LHFPL2: variants seen among roughly 807,000 people sequenced by gnomAD.
LHFPL2 encodes LHFPL tetraspan subfamily member 2.
LHFPL2 carries 7 observed loss-of-function variants against 17.5 expected under a neutral mutation model. That is an observed-to-expected ratio of 0.40 (90% CI 0.23 to 0.75). The LOEUF is 0.75. Ranked by LOEUF, LHFPL2 falls within the 30% of genes least tolerant of loss-of-function variation. The probability of loss-of-function intolerance (pLI) is 0.37; values close to 1 mark genes in which losing one functional copy is unlikely to be tolerated. For synonymous variants in LHFPL2, 134 were observed against 116.2 expected (o/e 1.15, Z -0.99); for missense variants, 241 against 294.8 (o/e 0.82, Z 1.34).
Position 78,488,440 on chromosome 5 carries a change from C to A in LHFPL2, c.*457G>T. On this transcript the variant is annotated 3_prime_UTR_variant, in exon 5 of 5. Transcript: ENST00000380345. ...CCCAGTAAGTTTATAGTTTTCTGTT[C>A]GTTGGAGACAACTTGAAAGAACAGA... The A allele has an allele frequency of 4.9e-6, 1 of 203,544 alleles. No individual in the cohort carries two copies. Among genetic ancestry groups the A allele is most frequent in the East Asian group, 1.1e-4 (1 of 8,876 alleles). 12.6% of individuals were successfully genotyped at this position (203,544 alleles called of 1,614,324 possible).
chr5:78,544,465 T>TA (rs568131064), intron 3 of LHFPL2, among the ~76,000 whole-genome samples: 48 of 151,734 alleles, frequency 3.2e-4, no homozygotes, highest in Admixed American at 1.1e-3. Context: ...GGGGTAGACA[T>TA]AAAAAAAAAT....
chr5:78,586,192 G>A (rs973205578), intron 2 of LHFPL2, among the ~76,000 whole-genome samples: 13 of 152,222 alleles, frequency 8.5e-5, no homozygotes, highest in African/African-American at 2.9e-4. Flanking sequence ...CTTCCCTCGG[G>A]CAAGTTACTC....
intron 4 of LHFPL2, chr5:78,494,387 A>G (rs1754540849): frequency 4.1e-6 from 4 of 985,278 alleles, no homozygotes; most frequent in Non-Finnish European, 4.8e-6. Flanking sequence ...ACTTGACAGA[A>G]TGGTGCCCTA....
chr5:78,644,279 A>C, intron 1 of LHFPL2: 1 of 856,036 alleles, frequency 1.2e-6, no homozygotes, highest in Non-Finnish European at 1.9e-6. Flanking sequence ...ATTCATCATC[A>C]TCTTCATCTT....
chr5:78,553,127 G>A (rs537578375), intron 3 of LHFPL2, among the ~76,000 whole-genome samples: 1 of 152,156 alleles, frequency 6.6e-6, no homozygotes, highest in Non-Finnish European at 1.5e-5. Context: ...CTTTCACAAG[G>A]TGACCTCTCC....
chr5:78,602,238 A>G (rs1019190058), intron 2 of LHFPL2, among the ~76,000 whole-genome samples: 1 of 152,176 alleles, frequency 6.6e-6, no homozygotes, highest in African/African-American at 2.4e-5. Flanking sequence ...ATAAGGCCCA[A>G]TGATGTTGAC....
intron 1 of LHFPL2, among the ~76,000 whole-genome samples, chr5:78,636,107 C>A (rs1745440825): frequency 6.6e-6 from 1 of 152,182 alleles, no homozygotes; most frequent in Non-Finnish European, 1.5e-5. Flanking sequence ...GCTGCCTGGA[C>A]ACCTGGTGCC....
intron 2 of LHFPL2, among the ~76,000 whole-genome samples, chr5:78,595,884 A>G (rs1315004423): frequency 6.6e-6 from 1 of 152,206 alleles, no homozygotes; most frequent in East Asian, 1.9e-4. Flanking sequence ...CAAAAAAGAA[A>G]CTCAAAAACT....
intron 2 of LHFPL2, among the ~76,000 whole-genome samples, chr5:78,591,429 C>T (rs1047407976): frequency 2.0e-5 from 3 of 152,090 alleles, no homozygotes; most frequent in African/African-American, 7.2e-5. Context: ...AAATGTTTAC[C>T]TCTGAGAATA....
intron 4 of LHFPL2, among the ~76,000 whole-genome samples, chr5:78,500,233 T>C (rs1160526167): frequency 6.6e-6 from 1 of 152,190 alleles, no homozygotes; most frequent in African/African-American, 2.4e-5. Flanking sequence ...TCTCCTCCAA[T>C]AGGTCAGGCC....
intron 3 of LHFPL2, among the ~76,000 whole-genome samples, chr5:78,522,473 C>T (rs1755487321): frequency 6.6e-6 from 1 of 152,118 alleles, no homozygotes; most frequent in Non-Finnish European, 1.5e-5. Flanking sequence ...GAGTCTCTCA[C>T]ATTGCTGACC....
At chr5:78,623,177 C>G (rs1376840659) in intron 2 of LHFPL2, among the ~76,000 whole-genome samples, 2 of 152,180 alleles carry the variant, frequency 1.3e-5, no homozygotes, top group Non-Finnish European at 2.9e-5. Context: ...AGACCTTATT[C>G]AGGGAGTCAT....
chr5:78,628,611 G>T (rs568263255), intron 2 of LHFPL2, among the ~76,000 whole-genome samples: 1 of 152,226 alleles, frequency 6.6e-6, no homozygotes, highest in Admixed American at 6.5e-5. Context: ...GGTCAGCATG[G>T]TTAACTGTCC....
intron 1 of LHFPL2, among the ~76,000 whole-genome samples, chr5:78,637,611 C>T (rs1201892592): frequency 6.6e-6 from 1 of 152,254 alleles, no homozygotes; most frequent in Non-Finnish European, 1.5e-5. Context: ...CTCACAGGCC[C>T]TCCTGGCATG....
chr5:78,490,742 C>A lies in LHFPL2; in HGVS notation c.431-1589G>T, dbSNP rs1349506832. Among the ~76,000 whole-genome samples the A allele has an allele frequency of 1.9e-4, 9 of 48,432 alleles. No homozygotes were observed. In the East Asian group the frequency reaches 3.4e-3, roughly 19 times the overall value. The allele number at this position is 48,432 out of a possible 152,430, so 31.8% of individuals were successfully genotyped here. A position where few individuals can be genotyped will look rare whatever the true frequency, so the allele number is the denominator to read the frequency against. On this transcript the variant is annotated intron_variant, in intron 4 of 4. Transcript: ENST00000380345. ...CAGCCTGGCAAAAGAGTGAGACTCC[C>A]TCTCAAAAAAAAAAAAAAAAAAGCA...
intron 4 of LHFPL2, among the ~76,000 whole-genome samples, chr5:78,505,389 G>A (rs1754901790): frequency 6.6e-6 from 1 of 152,176 alleles, no homozygotes; most frequent in Non-Finnish European, 1.5e-5. Context: ...AATCTCAGAA[G>A]CCACCTGCAA....
intron 4 of LHFPL2, among the ~76,000 whole-genome samples, chr5:78,499,010 C>A (rs959294142): frequency 1.3e-5 from 2 of 152,198 alleles, no homozygotes; most frequent in African/African-American, 4.8e-5. Context: ...TCCCCATCTA[C>A]ACTCAGTGCC....
chr5:78,578,712 T>C (rs906057629), intron 2 of LHFPL2, among the ~76,000 whole-genome samples: 34 of 152,142 alleles, frequency 2.2e-4, no homozygotes, highest in African/African-American at 8.0e-4. Context: ...ATGGGTGAAA[T>C]GAATGACTTG....
At chr5:78,532,994 G>A (rs1406169685) in intron 3 of LHFPL2, among the ~76,000 whole-genome samples, 2 of 152,222 alleles carry the variant, frequency 1.3e-5, no homozygotes, top group Admixed American at 1.3e-4. Context: ...AGACTGGGCG[G>A]TGGCCACTGA....
Sources: allele counts gnomAD v4.1 joint callset (sites outside exome capture counted in the v4.1 genomes callset), GRCh38; gene constraint gnomAD v4.1.1; transcripts MANE v1.5; gene names NCBI Gene and HGNC (gene_info 2026-07-23, HGNC 2026-07-21).